The following CCDC191 variants were observed in gnomAD, a reference collection of about 807,000 sequenced individuals.
CCDC191 encodes coiled-coil domain-containing protein 191.
In CCDC191, 99 loss-of-function variants were observed where a neutral mutation model predicts 114.0. The observed-to-expected ratio is 0.87, with a 90% CI of 0.74 to 1.03. The LOEUF is 1.03. Ranked by LOEUF, CCDC191 falls within the 50% of genes least tolerant of loss-of-function variation. CCDC191 has a pLI of 0.00. For synonymous variants in CCDC191, 351 were observed against 376.0 expected (o/e 0.93, Z 0.77); for missense variants, 973 against 1,087.0 (o/e 0.90, Z 1.47).
At chr3:114,000,481 G>A (rs2075834182) in intron 13 of CCDC191, among the ~76,000 whole-genome samples, 1 of 152,124 alleles carries the variant, frequency 6.6e-6, no homozygotes, top group Non-Finnish European at 1.5e-5. Flanking sequence ...AATTGCGTGA[G>A]CCAATTTCTC....
At chr3:113,992,678 G>GTA (rs1174136751) in intron 13 of CCDC191, among the ~76,000 whole-genome samples, 3 of 152,012 alleles carry the variant, frequency 2.0e-5, no homozygotes, top group African/African-American at 7.3e-5. Context: ...GTATACATAT[G>GTA]TAACAAACCT....
intron 16 of CCDC191, among the ~76,000 whole-genome samples, chr3:113,970,986 G>A (rs1294654482): frequency 2.0e-5 from 3 of 152,146 alleles, no homozygotes; most frequent in Non-Finnish European, 4.4e-5. Context: ...ATTTGGGTTG[G>A]TTCCAAGTCT....
chr3:114,005,996 T>A, intron 9 of CCDC191, 34 bp from the exon 10 acceptor site: 2 of 1,561,794 alleles, frequency 1.3e-6, no homozygotes. Flanking sequence ...GCTCAACTAT[T>A]TAAAGGACTG....
chr3:114,044,299 CA>C, intron 3 of CCDC191, among the ~76,000 whole-genome samples: 1 of 152,178 alleles, frequency 6.6e-6, no homozygotes, highest in Admixed American at 6.5e-5. Context: ...GGAGGAAAAT[CA>C]AAGAGTGTGA....
chr3:114,005,891 CA>C lies in CCDC191; in HGVS notation c.1484del (p.Leu495ArgfsTer18). Reference protein sequence around the residue: ...GSSGCMLSPPLGRTTTGNLQG... With the variant: ...GSSGCMLSPPXGRTTTGNLQG... The stretch of plus-strand genomic sequence containing the variant: ...GCAAGTTGCCTGTTGTTGTTCTTCC[CA>C]GGGGAGGACTGAGCATACAACCACT... On this transcript the variant is annotated frameshift_variant, in exon 10 of 17. Transcript: ENST00000295878. LOFTEE classifies it high-confidence loss of function. 1 of 1,614,000 alleles carries C rather than the reference CA, an allele frequency of 6.2e-7. No individual in the cohort carries two copies. Among genetic ancestry groups the C allele is most frequent in the Non-Finnish European group, 8.5e-7 (1 of 1,179,966 alleles).
Position 113,987,844 on chromosome 3 carries a change from C to T in CCDC191, c.2164-7051G>A, listed in dbSNP as rs568526451. 6.6e-5 allele frequency among the ~76,000 whole-genome samples: 10 copies of T among 151,882 alleles called. No homozygotes were observed. The South Asian group carries it at 2.1e-3, about 32-fold the overall frequency. ...GGATCACGAGGTCAGGAATTTGAGA[C>T]CAGCCTGGTCAAGATGGTGAAACCC... On this transcript the variant is annotated intron_variant, in intron 13 of 16. Coordinates refer to ENST00000295878, the MANE Select transcript of CCDC191 (RefSeq NM_020817.2).
intron 7 of CCDC191, among the ~76,000 whole-genome samples, chr3:114,030,042 G>C (rs1318911351): frequency 6.6e-6 from 1 of 152,278 alleles, no homozygotes; most frequent in East Asian, 1.9e-4. Flanking sequence ...GTATTTAATG[G>C]CAGTGTACCA....
intron 4 of CCDC191, 80 bp downstream of exon 4, chr3:114,042,623 T>C: frequency 8.5e-7 from 1 of 1,177,078 alleles, no homozygotes; most frequent in African/African-American, 1.6e-5. Flanking sequence ...TATGTATCAT[T>C]TGTTATTCAA....
rs2075121590 is a variant in CCDC191, at chr3:113,980,786, A to G, written c.2171T>C (p.Leu724Pro). The change falls in exon 14 of 17, where the codon CTT becomes CCT. Residue 724 changes from leucine (L) to proline (P), a missense_variant. Physicochemically the swap from Leu to Pro is moderately conservative, Grantham distance 98. Coordinates refer to ENST00000295878, the MANE Select transcript of CCDC191 (RefSeq NM_020817.2). ...CCTCTTAATTCTCTTCTGCTTCTCA[A>G]GTTCTTTCTGGAAAAGATTAAAAAG... is the stretch of plus-strand genomic sequence containing the variant. ...EEKRLKKMKE[L>P]EKQKRIKRNQ... 5.6e-6 allele frequency: 9 copies of G among 1,599,782 alleles called. No individual in the cohort carries two copies. Among genetic ancestry groups the G allele is most frequent in the Non-Finnish European group, 7.7e-6 (9 of 1,176,452 alleles).
chr3:114,051,886 T>C (rs1012878696), intron 2 of CCDC191, among the ~76,000 whole-genome samples: 19 of 152,106 alleles, frequency 1.2e-4, no homozygotes, highest in African/African-American at 4.6e-4. Flanking sequence ...AAAAAACAGT[T>C]ACAAAAAGAC....
intron 13 of CCDC191, among the ~76,000 whole-genome samples, chr3:114,000,512 T>G (rs2075834926): frequency 6.6e-6 from 1 of 152,212 alleles, no homozygotes; most frequent in South Asian, 2.1e-4. Context: ...TCCCTCTGTC[T>G]ATATGTCCTA....
chr3:114,006,940 C>A (rs953529932), intron 9 of CCDC191, among the ~76,000 whole-genome samples: 2 of 150,828 alleles, frequency 1.3e-5, no homozygotes, highest in African/African-American at 4.9e-5. Flanking sequence ...GATCACTGGG[C>A]AAATATCTGC....
chr3:113,986,359 C>A (rs1357141955), intron 13 of CCDC191, among the ~76,000 whole-genome samples: 1 of 152,024 alleles, frequency 6.6e-6, no homozygotes. Context: ...AATGGCATAA[C>A]AAATCCCATA....
intron 7 of CCDC191, among the ~76,000 whole-genome samples, chr3:114,019,222 G>A (rs1311154936): frequency 6.6e-6 from 1 of 152,158 alleles, no homozygotes; most frequent in African/African-American, 2.4e-5. Flanking sequence ...CCCCCTGCCA[G>A]GTGTCTTGGA....
At chr3:114,002,036 A>G (rs1476974689) in intron 12 of CCDC191, among the ~76,000 whole-genome samples, 1 of 152,164 alleles carries the variant, frequency 6.6e-6, no homozygotes, top group Non-Finnish European at 1.5e-5. Context: ...GTTTTCTTTC[A>G]TTTCACCAGA....
chr3:114,053,618 G>A lies in CCDC191; in HGVS notation c.108C>T (p.Asp36=). 1 of 1,588,170 alleles carries A rather than the reference G, an allele frequency of 6.3e-7. No homozygotes were observed. The part of the protein sequence containing the change: ...KPSPKPTFGP[D]SVEHWIKRVE... ...TTACCTTTATCCAGTGTTCCACACT[G>A]TCAGGACCAAAAGTAGGCTGTAGAT... The change falls in exon 2 of 17, where the codon GAC becomes GAT. Residue 36 remains aspartate, a synonymous_variant. Transcript: ENST00000295878.
At chr3:114,047,260 A>C in intron 2 of CCDC191, 7 of 333,238 alleles carry the variant, frequency 2.1e-5, no homozygotes, top group Non-Finnish European at 3.0e-5. Context: ...GTTTTAACTC[A>C]ACAGCAAGAG....
chr3:113,965,069 G>C lies in CCDC191; in HGVS notation c.*86C>G. The C allele has an allele frequency of 1.5e-6, 1 of 667,642 alleles. No individual in the cohort carries two copies. Among genetic ancestry groups the C allele is most frequent in the Non-Finnish European group, 2.5e-6 (1 of 406,954 alleles). 41.4% of individuals were successfully genotyped at this position (667,642 alleles called of 1,614,324 possible). On this transcript the variant is annotated 3_prime_UTR_variant, in exon 17 of 17. Coordinates refer to ENST00000295878, the MANE Select transcript of CCDC191 (RefSeq NM_020817.2). ...GTAGCTCGTAGAGAATAAACCAGGTGTATGTATGTATGTGTGTGGGTGGGT... is the reference window on the plus strand; with the variant it reads ...GTAGCTCGTAGAGAATAAACCAGGTCTATGTATGTATGTGTGTGGGTGGGT...
In CCDC191 at chr3:113,978,828, T is replaced by C. The variant is rs775488323; in HGVS notation, c.2460+30A>G. 3 of 1,599,412 alleles carry C rather than the reference T, an allele frequency of 1.9e-6. No homozygotes were observed. The East Asian group carries it at 6.7e-5, about 36-fold the overall frequency. On this transcript the variant is annotated intron_variant, in intron 15 of 16. Coordinates refer to ENST00000295878, the MANE Select transcript of CCDC191 (RefSeq NM_020817.2). ...TTAAATAGAATTGAGCAATGAGATG[T>C]ATTTAAGGTACCCTTCCCTATGTCC...
Sources: allele counts gnomAD v4.1 joint callset (sites outside exome capture counted in the v4.1 genomes callset), GRCh38; gene constraint gnomAD v4.1.1; transcripts MANE v1.5; gene names NCBI Gene and HGNC (gene_info 2026-07-23, HGNC 2026-07-21).